CISTR: variants seen among roughly 807,000 people sequenced by gnomAD.
CISTR encodes the protein chondrogenic regulator lncRNA.
intron 1 of CISTR, among the ~76,000 whole-genome samples, chr12:53,753,898 C>G (rs1937886480): frequency 6.6e-6 from 1 of 152,144 alleles, no homozygotes; most frequent in African/African-American, 2.4e-5. Context: ...TGTTGTAGCT[C>G]TACCGTGACC....
In CISTR at chr12:53,751,259, A is replaced by G. The variant is rs531017564; in HGVS notation, n.415-294T>C. On this transcript the variant is annotated intron_variant and non_coding_transcript_variant, in intron 1 of 2. Transcript: ENST00000669269. The surrounding 1 kb of genome is among the most constrained non-coding windows in gnomAD (Gnocchi z 4.6). ...GCGGCCCGGCCTTCCGCACCTCCCA[A>G]CGCCTGCAGGGGTTGGGGGCGCTGG... Among the ~76,000 whole-genome samples, 2 of 151,788 alleles carry G rather than the reference A, an allele frequency of 1.3e-5. No homozygotes were observed. Among genetic ancestry groups the G allele is most frequent in the East Asian group, 3.9e-4 (2 of 5,130 alleles).
chr12:53,754,548 C>T (rs1285770938), intron 1 of CISTR: 1 of 152,200 alleles, frequency 6.6e-6, no homozygotes, highest in Admixed American at 6.5e-5. Flanking sequence ...ATTTTATTAT[C>T]TATAAAATGA....
exon 3 of CISTR, among the ~76,000 whole-genome samples, chr12:53,746,548 C>T (rs61922777): frequency 0.044 from 6,730 of 152,206 alleles, 197 homozygotes; most frequent in Non-Finnish European, 0.066. Context: ...AGCCCCAGTG[C>T]TAGGAGAACG....
intron 2 of CISTR, among the ~76,000 whole-genome samples, chr12:53,749,062 G>T (rs1256355097): frequency 6.6e-6 from 1 of 152,050 alleles, no homozygotes; most frequent in Non-Finnish European, 1.5e-5. Context: ...GAACCAGACA[G>T]CCACACACCC....
chr12:53,753,580 T>A (rs939947915), intron 1 of CISTR, among the ~76,000 whole-genome samples: 9 of 151,880 alleles, frequency 5.9e-5, no homozygotes, highest in East Asian at 5.8e-4. Flanking sequence ...AACTAGCAAG[T>A]TAGAGCTCTC....
In CISTR at chr12:53,756,203, C is replaced by G. The variant is rs1377514646; in HGVS notation, n.414+611G>C. Among the ~76,000 whole-genome samples, 1 of 152,164 alleles carries G rather than the reference C, an allele frequency of 6.6e-6. No homozygotes were observed. Among genetic ancestry groups the G allele is most frequent in the Non-Finnish European group, 1.5e-5 (1 of 68,020 alleles). ...GGGGGATGGGCTGGGGGAGCCTTCC[C>G]TCCATGTACTCTTCTACCATCCCCT... is the stretch of plus-strand genomic sequence containing the variant. On this transcript the variant is annotated intron_variant and non_coding_transcript_variant, in intron 1 of 2. Coordinates refer to ENST00000669269, the Ensembl canonical transcript of CISTR. This position sits in a 1 kb window ranked among gnomAD's most constrained non-coding sequence, Gnocchi z 4.0.
intron 2 of CISTR, among the ~76,000 whole-genome samples, chr12:53,747,013 T>C (rs980080759): frequency 6.6e-6 from 1 of 152,146 alleles, no homozygotes; most frequent in Non-Finnish European, 1.5e-5. Flanking sequence ...TAAGTTCTGG[T>C]TTTGGAAAGT....
chr12:53,755,307 G>GT, intron 1 of CISTR, among the ~76,000 whole-genome samples: 1 of 126,898 alleles, frequency 7.9e-6, no homozygotes, highest in Non-Finnish European at 1.6e-5. Context: ...TTCCTGTTTG[G>GT]GGTGTGTGTG....
At chr12:53,754,348 T>C (rs1314937118) in intron 1 of CISTR, 7 of 152,164 alleles carry the variant, frequency 4.6e-5, no homozygotes, top group Admixed American at 4.6e-4. Context: ...GAAAAGGGCA[T>C]GAGGAAGAAG....
At chr12:53,749,125 C>T (rs1361224823) in intron 2 of CISTR, among the ~76,000 whole-genome samples, 1 of 151,160 alleles carries the variant, frequency 6.6e-6, no homozygotes, top group Non-Finnish European at 1.5e-5. Context: ...GGGGAGAGAA[C>T]AGAAGAAAGA....
rs1203051765 is a variant in CISTR at position 53,751,544 on chromosome 12, G to T, written n.415-579C>A. Among the ~76,000 whole-genome samples the T allele has an allele frequency of 1.3e-5, 2 of 152,268 alleles. No individual in the cohort carries two copies. Among genetic ancestry groups the T allele is most frequent in the East Asian group, 3.9e-4 (2 of 5,158 alleles). Reference sequence around the variant, plus strand: ...TAAACAAGCTAAACGAGGCGCGCAGGACTCCCTGGTGGGCCCTCAGCCTCC... The same window carrying T: ...TAAACAAGCTAAACGAGGCGCGCAGTACTCCCTGGTGGGCCCTCAGCCTCC... On this transcript the variant is annotated intron_variant and non_coding_transcript_variant, in intron 1 of 2. Transcript: ENST00000669269. This position sits in a 1 kb window ranked among gnomAD's most constrained non-coding sequence, Gnocchi z 4.6.
At chr12:53,755,306 G>A (rs1450545691) in intron 1 of CISTR, among the ~76,000 whole-genome samples, 2 of 112,054 alleles carry the variant, frequency 1.8e-5, no homozygotes, top group Admixed American at 8.6e-5. Context: ...TTTCCTGTTT[G>A]GGGTGTGTGT....
At chr12:53,755,342 T>TGTGTGTGG (rs1555168468) in intron 1 of CISTR, among the ~76,000 whole-genome samples, 1 of 150,140 alleles carries the variant, frequency 6.7e-6, no homozygotes, top group East Asian at 1.9e-4. Context: ...TGTGTGTGTG[T>TGTGTGTGG]GGTAGGAAAT....
chr12:53,746,576 T>G (rs994809026), exon 3 of CISTR, among the ~76,000 whole-genome samples: 3 of 152,108 alleles, frequency 2.0e-5, no homozygotes, highest in African/African-American at 7.2e-5. Flanking sequence ...GAAGGGAGGC[T>G]GAGGAGGGCG....
intron 1 of CISTR, among the ~76,000 whole-genome samples, chr12:53,752,473 G>A (rs1218373894): frequency 6.6e-6 from 1 of 152,190 alleles, no homozygotes; most frequent in Non-Finnish European, 1.5e-5. Flanking sequence ...GTCTTAACCT[G>A]GGCTTGCTCA....
rs567009202 is a variant in CISTR at position 53,746,737 on chromosome 12, G to A, written n.1175C>T. Among the ~76,000 whole-genome samples, 81 of 152,300 alleles carry A rather than the reference G, an allele frequency of 5.3e-4. No individual in the cohort carries two copies. In the South Asian group the frequency reaches 0.016, roughly 31 times the overall value. ...ATTCCAGACAGCATCCAGGGCCGAC[G>A]TCTGGATCTGTAGGGAGCGCTGTTC... On this transcript the variant is annotated non_coding_transcript_exon_variant, in exon 3 of 3. Transcript: ENST00000669269.
exon 3 of CISTR, among the ~76,000 whole-genome samples, chr12:53,746,480 G>A (rs1416771661): frequency 1.3e-5 from 2 of 152,154 alleles, no homozygotes; most frequent in African/African-American, 4.8e-5. Context: ...TCACGGAGGA[G>A]CGTGGGTGTC....
intron 2 of CISTR, among the ~76,000 whole-genome samples, chr12:53,749,323 A>T (rs79676492): frequency 0.12 from 18,375 of 151,484 alleles, 1,237 homozygotes; most frequent in Non-Finnish European, 0.16. Flanking sequence ...TATATATATA[A>T]AAGACAGGGA....
At chr12:53,746,482 G>A (rs1159503948) in exon 3 of CISTR, among the ~76,000 whole-genome samples, 3 of 152,138 alleles carry the variant, frequency 2.0e-5, no homozygotes, top group Admixed American at 1.3e-4. Flanking sequence ...ACGGAGGAGC[G>A]TGGGTGTCAT....
Sources: gnomAD v4.1 joint callset for allele counts (sites outside exome capture counted in the v4.1 genomes callset) on GRCh38, gnomAD v4.1.1 for gene constraint, Gnocchi (gnomAD v3.1) non-coding constraint, MANE v1.5 for transcripts, NCBI Gene and HGNC (gene_info 2026-07-23, HGNC 2026-07-21) for gene names.